CCDC32: variants seen among roughly 807,000 people sequenced by gnomAD.
The protein encoded by CCDC32 is coiled-coil domain containing 32.
CCDC32 carries 9 observed loss-of-function variants against 20.1 expected under a neutral mutation model. The ratio of observed to expected loss-of-function variants is 0.45; its 90% CI spans 0.27 to 0.78. The LOEUF (loss-of-function observed/expected upper bound fraction) is 0.78. Among genes scored for constraint, CCDC32 ranks in the 30% least tolerant of loss-of-function variants. CCDC32 has a pLI of 0.16. For missense variants in CCDC32, 204 were observed against 215.5 expected (o/e 0.95, Z 0.33); for synonymous variants, 63 against 79.0 (o/e 0.80, Z 1.07).
chr15:40,558,816 T>TC (rs1215135393), intron 2 of CCDC32, among the ~76,000 whole-genome samples: 1 of 152,026 alleles, frequency 6.6e-6, no homozygotes, highest in Non-Finnish European at 1.5e-5. Context: ...CTTTTTTTTT[T>TC]TGAGACGGAG....
At chr15:40,563,113 A>C in intron 1 of CCDC32, 86 bp from the exon 2 acceptor site, 1 of 1,476,702 alleles carries the variant, frequency 6.8e-7, no homozygotes, top group African/African-American at 1.4e-5. Flanking sequence ...CTGTAATCCC[A>C]ACACTTTGGG....
chr15:40,541,364 G>A (rs982846406), intron 3 of CCDC32, among the ~76,000 whole-genome samples: 6 of 147,998 alleles, frequency 4.1e-5, no homozygotes, highest in African/African-American at 1.3e-4. Context: ...ACGGAGTCTC[G>A]CTCTGTCACC....
downstream of CCDC32, among the ~76,000 whole-genome samples, chr15:40,528,496 G>A (rs920070332): frequency 2.6e-5 from 4 of 152,174 alleles, no homozygotes; most frequent in African/African-American, 9.7e-5. Context: ...TCTTTGCCAT[G>A]GGATGCAGAC....
At position 40,562,998 on chromosome 15, in the gene CCDC32, G is replaced by A. The variant is rs376182665; in HGVS notation, c.18C>T (p.Ser6=). 60 of 1,613,988 alleles carry A rather than the reference G, an allele frequency of 3.7e-5. No homozygotes were observed. Among genetic ancestry groups the A allele is most frequent in the South Asian group, 4.4e-5 (4 of 91,084 alleles). MKMFE[S]ADSTATRSGQ... is the part of the protein sequence containing the mutation. ...CAGATCTTGTGGCTGTAGAGTCAGC[G>A]CTCTCAAACATTTTCATTTGGAATC... The change falls in exon 2 of 4, where the codon AGC becomes AGT. Residue 6 remains serine (S), a synonymous_variant. Coordinates refer to ENST00000416810, the MANE Select transcript of CCDC32 (RefSeq NM_001080792.4).
downstream of CCDC32, among the ~76,000 whole-genome samples, chr15:40,548,642 G>T (rs563700319): frequency 6.6e-6 from 1 of 152,166 alleles, no homozygotes; most frequent in Non-Finnish European, 1.5e-5. Flanking sequence ...GATGCCTGGG[G>T]TGGGAAGACT....
chr15:40,552,141 A>G (rs1037971542), downstream of CCDC32, among the ~76,000 whole-genome samples: 2 of 151,698 alleles, frequency 1.3e-5, no homozygotes, highest in African/African-American at 4.8e-5. Context: ...TGGGTGATAG[A>G]GTGAGGAGAC....
chr15:40,558,863 G>A (rs1026088708), intron 2 of CCDC32, among the ~76,000 whole-genome samples: 2 of 151,414 alleles, frequency 1.3e-5, no homozygotes, highest in African/African-American at 4.9e-5. Context: ...GCAGTGGCAC[G>A]ATCTCACTCA....
intron 3 of CCDC32, chr15:40,556,837 CAAA>C (rs10647113): frequency 1.4e-4 from 16 of 111,168 alleles, no homozygotes; most frequent in South Asian, 5.8e-4. Flanking sequence ...GATTCCATCT[CAAA>C]AAAAAAAAAA....
At position 40,562,838 on chromosome 15, in the gene CCDC32, C is replaced by T; in HGVS notation, c.178G>A (p.Ala60Thr). The T allele has an allele frequency of 2.5e-6, 4 of 1,614,184 alleles. No individual in the cohort carries two copies. The highest frequency in any genetic ancestry group is 3.4e-6 in the Non-Finnish European group (4 of 1,180,022). The change falls in exon 2 of 4, where the codon GCT becomes ACT. Residue 60 changes from alanine to threonine, a missense_variant. Physicochemically the swap from Ala to Thr is moderately conservative, Grantham distance 58. Transcript: ENST00000416810. ...GEGQREVADFAVQPAVKPWAP... is the reference protein window; with the variant it reads ...GEGQREVADFTVQPAVKPWAP... ...CAAGGCTTTACAGCTGGCTGGACAG[C>T]AAAGTCAGCCACCTCCCTCTGGCCT...
intron 3 of CCDC32, among the ~76,000 whole-genome samples, chr15:40,542,846 T>C (rs1022113222): frequency 6.7e-6 from 1 of 148,248 alleles, no homozygotes; most frequent in African/African-American, 2.5e-5. Context: ...CGAGACTTTG[T>C]CTCAAAAGAA....
intron 3 of CCDC32, among the ~76,000 whole-genome samples, chr15:40,541,071 T>C (rs1024239005): frequency 6.6e-6 from 1 of 152,224 alleles, no homozygotes; most frequent in Non-Finnish European, 1.5e-5. Flanking sequence ...AAAGAGACTG[T>C]GCCAGATGCT....
At chr15:40,531,873 G>GT (rs1166982030), downstream of CCDC32, 2 of 152,820 alleles carry the variant, frequency 1.3e-5, no homozygotes, top group African/African-American at 2.4e-5. Context: ...AAGATTTTGT[G>GT]TTTTTTTTTT....
rs182919278 is a variant in CCDC32 at position 40,554,868 on chromosome 15, T to C, written c.402-741A>G. Among the ~76,000 whole-genome samples the C allele has an allele frequency of 2.0e-5, 3 of 152,350 alleles. No homozygotes were observed. The East Asian group carries it at 5.8e-4, about 29-fold the overall frequency. ...TGACTAGAAATAATGTAAACCTTAT[T>C]CTATGCTCCTCAATAGCACAAAGTC... On this transcript the variant is annotated intron_variant, in intron 3 of 3. Coordinates refer to ENST00000416810, the MANE Select transcript of CCDC32 (RefSeq NM_001080792.4).
downstream of CCDC32, chr15:40,535,323 T>C: frequency 8.2e-7 from 1 of 1,222,870 alleles, no homozygotes; most frequent in Non-Finnish European, 1.0e-6. Flanking sequence ...TTATCATAGA[T>C]CTCCAGCCTC....
chr15:40,539,351 A>G, exon 4 of CCDC32: 3 of 1,535,568 alleles, frequency 2.0e-6, no homozygotes, highest in Non-Finnish European at 2.6e-6. Flanking sequence ...CTGGAGTTAC[A>G]GGGCCTATGG....
intron 3 of CCDC32, among the ~76,000 whole-genome samples, chr15:40,539,840 C>CCACACACACACACA (rs142688774): frequency 0.069 from 9,251 of 134,452 alleles, 416 homozygotes; most frequent in East Asian, 0.11. Context: ...CAAACTGTTG[C>CCACACACACACACA]CACACACACA....
chr15:40,529,041 C>T (rs1027397628), intron 3 of CCDC32, among the ~76,000 whole-genome samples: 2 of 152,340 alleles, frequency 1.3e-5, no homozygotes, highest in Admixed American at 6.5e-5. Flanking sequence ...AAGGTCAGCT[C>T]AGCTGGACAG....
chr15:40,551,995 T>A (rs891405690), downstream of CCDC32, among the ~76,000 whole-genome samples: 9 of 151,370 alleles, frequency 5.9e-5, no homozygotes, highest in South Asian at 2.1e-4. Context: ...TCTACAAAAA[T>A]TTTTTTTAAA....
At chr15:40,535,616 A>C, downstream of CCDC32, 3 of 985,472 alleles carry the variant, frequency 3.0e-6, no homozygotes, top group Non-Finnish European at 3.6e-6. Context: ...CAACCAAAAA[A>C]AAAAAAGAAA....
Sources: gnomAD v4.1 joint callset for allele counts (sites outside exome capture counted in the v4.1 genomes callset) on GRCh38, gnomAD v4.1.1 for gene constraint, MANE v1.5 for transcripts, NCBI Gene and HGNC (gene_info 2026-07-23, HGNC 2026-07-21) for gene names.